FTO: variants seen among roughly 807,000 people sequenced by gnomAD.
FTO encodes the protein alpha-ketoglutarate-dependent dioxygenase FTO.
A neutral mutation model predicts 63.9 loss-of-function variants in FTO; 47 were observed. The observed-to-expected ratio is 0.74, with a 90% CI of 0.58 to 0.94. The LOEUF is 0.94. FTO is among the 40% of genes least tolerant of loss of function. The pLI is 0.00. For synonymous variants in FTO, 207 were observed against 224.4 expected (o/e 0.92, Z 0.69); for missense variants, 562 against 618.1 (o/e 0.91, Z 0.96).
chr16:53,761,519 A>C (rs181917232), intron 1 of FTO, among the ~76,000 whole-genome samples: 9 of 152,338 alleles, frequency 5.9e-5, no homozygotes, highest in Non-Finnish European at 1.0e-4. Flanking sequence ...ATTAATTTGT[A>C]TGTCAGAGTT....
rs71377117 is a variant in FTO, at chr16:54,118,366, C to CTTTTTTTTTTTTCT, written c.*6462_*6463insTCTTTTTTTTTTTT. 2.2e-5 allele frequency: 3 copies of CTTTTTTTTTTTTCT among 136,858 alleles called. No individual in the cohort carries two copies. The highest frequency in any genetic ancestry group is 4.7e-5 in the Non-Finnish European group (3 of 64,308). 8.5% of individuals were successfully genotyped at this position (136,858 alleles called of 1,614,324 possible). ...CTTTCACACAGTCTTTTTTTTTTTT[C>CTTTTTTTTTTTTCT]TTTTTTTTTTTCAGACAGGGTCTCA... is the stretch of plus-strand genomic sequence containing the variant. On this transcript the variant is annotated 3_prime_UTR_variant, in exon 9 of 9. Coordinates refer to ENST00000471389, the MANE Select transcript of FTO (RefSeq NM_001080432.3).
chr16:53,822,407 G>A (rs187629737), intron 2 of FTO, among the ~76,000 whole-genome samples: 2 of 152,202 alleles, frequency 1.3e-5, no homozygotes, highest in African/African-American at 4.8e-5. Context: ...AGCACATACA[G>A]TGACATCCTA....
chr16:54,092,425 G>C (rs1444256834), intron 8 of FTO, among the ~76,000 whole-genome samples: 2 of 152,068 alleles, frequency 1.3e-5, no homozygotes, highest in African/African-American at 2.4e-5. Flanking sequence ...TTTAAACTGA[G>C]GGGGGTAGGA....
intron 1 of FTO, among the ~76,000 whole-genome samples, chr16:53,785,452 G>A (rs1598650269): frequency 6.6e-6 from 1 of 152,110 alleles, no homozygotes; most frequent in African/African-American, 2.4e-5. Context: ...GGGTGAGAGT[G>A]CTGTTTTTGA....
chr16:53,961,980 A>G (rs898549181), intron 8 of FTO, among the ~76,000 whole-genome samples: 3 of 152,208 alleles, frequency 2.0e-5, no homozygotes, highest in African/African-American at 7.2e-5. Context: ...GAACAGGTAC[A>G]TGCAAGGTAC....
intron 8 of FTO, among the ~76,000 whole-genome samples, chr16:53,943,782 T>C (rs915001294): frequency 6.6e-6 from 1 of 152,192 alleles, no homozygotes; most frequent in Non-Finnish European, 1.5e-5. Context: ...TCACTTGTTA[T>C]AAAATTTACA....
chr16:54,088,048 A>T (rs77917113), intron 8 of FTO, among the ~76,000 whole-genome samples: 7 of 152,180 alleles, frequency 4.6e-5, no homozygotes, highest in African/African-American at 1.2e-4. Context: ...AGTAATGCAC[A>T]ATACATTCAC....
intron 1 of FTO, among the ~76,000 whole-genome samples, chr16:53,720,053 TAGTA>T (rs2076000956): frequency 6.6e-6 from 1 of 152,178 alleles, no homozygotes; most frequent in East Asian, 1.9e-4. Flanking sequence ...TCCACACAAA[TAGTA>T]AGTAGCCTGC....
chr16:53,954,696 G>A (rs1006396869), intron 8 of FTO, among the ~76,000 whole-genome samples: 1 of 152,018 alleles, frequency 6.6e-6, no homozygotes, highest in African/African-American at 2.4e-5. Context: ...GCTGTGGCAG[G>A]GTTTTCACCT....
upstream of FTO, chr16:53,704,124 G>T: frequency 6.7e-7 from 1 of 1,496,846 alleles, no homozygotes; most frequent in South Asian, 1.2e-5. Flanking sequence ...CATGCAGGAG[G>T]CGGGGTCCAG....
chr16:53,898,154 A>G lies in FTO; in HGVS notation c.1239+9203A>G, dbSNP rs371299087. The stretch of plus-strand genomic sequence containing the variant: ...ATGTTTAGAAATCCACCTTCCTTGC[A>G]GTGGCCTAATGCCCTGCAGGATCTG... On this transcript the variant is annotated intron_variant, in intron 7 of 8. Transcript: ENST00000471389. Among the ~76,000 whole-genome samples the G allele has an allele frequency of 3.9e-5, 6 of 152,156 alleles. No individual in the cohort carries two copies. The East Asian group carries it at 5.8e-4, about 15-fold the overall frequency.
At chr16:53,990,022 T>TA (rs1599155155) in intron 8 of FTO, among the ~76,000 whole-genome samples, 1 of 149,782 alleles carries the variant, frequency 6.7e-6, no homozygotes, top group East Asian at 1.9e-4. Context: ...TGTGTACATA[T>TA]AAAAAATATA....
chr16:53,863,331 C>G (rs1449837961), intron 4 of FTO, among the ~76,000 whole-genome samples: 1 of 152,214 alleles, frequency 6.6e-6, no homozygotes, highest in Admixed American at 6.5e-5. Context: ...AGAAAGTAGA[C>G]TAGTACTGGC....
intron 4 of FTO, among the ~76,000 whole-genome samples, chr16:53,852,474 T>C (rs2079838282): frequency 6.6e-6 from 1 of 152,186 alleles, no homozygotes. Flanking sequence ...CTTTCAGCCA[T>C]GTCATTACTT....
At chr16:53,861,273 T>C (rs1353603617) in intron 4 of FTO, among the ~76,000 whole-genome samples, 2 of 152,226 alleles carry the variant, frequency 1.3e-5, no homozygotes, top group South Asian at 4.1e-4. Context: ...TTTTCATTCC[T>C]ACCTGCAATG....
At chr16:53,856,306 C>T (rs191231710) in intron 4 of FTO, among the ~76,000 whole-genome samples, 1 of 151,724 alleles carries the variant, frequency 6.6e-6, no homozygotes, top group African/African-American at 2.4e-5. Context: ...GACTATATAC[C>T]TCATGCTGGA....
At chr16:53,803,495 TGTAA>T in intron 1 of FTO, among the ~76,000 whole-genome samples, 1 of 152,366 alleles carries the variant, frequency 6.6e-6, no homozygotes, top group Non-Finnish European at 1.5e-5. Context: ...GAGCAGTGGC[TGTAA>T]GTATTGGTTT....
At position 53,987,307 on chromosome 16, in the gene FTO, G is replaced by C. The variant is rs983631702; in HGVS notation, c.1364+53198G>C. 3.3e-5 allele frequency among the ~76,000 whole-genome samples: 5 copies of C among 151,982 alleles called. No individual in the cohort carries two copies. In the East Asian group the frequency reaches 5.8e-4, roughly 18 times the overall value. On this transcript the variant is annotated intron_variant, in intron 8 of 8. Transcript: ENST00000471389. Reference sequence around the variant, plus strand: ...GTTTAAAATGACAATACAGCCAGGCGCGGTGGCTCACGCCTGTAATCCCAG... The same window carrying C: ...GTTTAAAATGACAATACAGCCAGGCCCGGTGGCTCACGCCTGTAATCCCAG...
chr16:53,971,718 C>A (rs909055329), intron 8 of FTO, among the ~76,000 whole-genome samples: 1 of 152,236 alleles, frequency 6.6e-6, no homozygotes, highest in Admixed American at 6.5e-5. Context: ...CTACTTTTAA[C>A]TGTGTGTTAA....
Sources: allele counts gnomAD v4.1 joint callset (sites outside exome capture counted in the v4.1 genomes callset), GRCh38; gene constraint gnomAD v4.1.1; transcripts MANE v1.5; gene names NCBI Gene and HGNC (gene_info 2026-07-23, HGNC 2026-07-21).